Variants in UHRF2 observed in about 807,000 individuals in gnomAD.
UHRF2 encodes the protein E3 ubiquitin-protein ligase UHRF2.
In UHRF2, 23 loss-of-function variants were observed where a neutral mutation model predicts 96.8. The ratio of observed to expected loss-of-function variants is 0.24; its 90% confidence interval spans 0.17 to 0.34. The LOEUF is 0.34. Among genes scored for constraint, UHRF2 ranks in the 10% least tolerant of loss-of-function variants. The pLI, the probability that UHRF2 is intolerant of heterozygous loss-of-function variation, is 1.00. For missense variants in UHRF2, 685 were observed against 981.5 expected (o/e 0.70, Z 4.04); for synonymous variants, 385 against 332.6 (o/e 1.16, Z -1.72).
chr9:6,463,136 C>G (rs1045534223), intron 4 of UHRF2, among the ~76,000 whole-genome samples: 5 of 152,112 alleles, frequency 3.3e-5, no homozygotes, highest in Non-Finnish European at 4.4e-5. Context: ...ACAAAATTAG[C>G]TGGGTGCGGT....
At chr9:6,488,486 C>T (rs972558031) in intron 9 of UHRF2, among the ~76,000 whole-genome samples, 2 of 150,262 alleles carry the variant, frequency 1.3e-5, no homozygotes, top group African/African-American at 2.4e-5. Context: ...CAGACGTAGC[C>T]CCCCCACTGC....
At chr9:6,466,532 T>A (rs1467990503) in intron 4 of UHRF2, among the ~76,000 whole-genome samples, 1 of 111,860 alleles carries the variant, frequency 8.9e-6, no homozygotes, top group African/African-American at 3.5e-5. Context: ...AGAGTGAGAC[T>A]CTATCTCAAA....
At chr9:6,496,184 A>T (rs900934184) in intron 10 of UHRF2, 5 of 152,150 alleles carry the variant, frequency 3.3e-5, no homozygotes, top group Non-Finnish European at 7.3e-5. Flanking sequence ...GCATAAAAAG[A>T]ATTAAACCCT....
chr9:6,447,459 G>A (rs1337456900), intron 3 of UHRF2, among the ~76,000 whole-genome samples: 3 of 152,166 alleles, frequency 2.0e-5, no homozygotes, highest in African/African-American at 7.2e-5. Flanking sequence ...TATAAAGGTA[G>A]AGGAGATATT....
At chr9:6,481,569 G>A in intron 6 of UHRF2, 74 bp from the exon 7 acceptor site, 1 of 1,539,228 alleles carries the variant, frequency 6.5e-7, no homozygotes. Flanking sequence ...CTCTTACCTA[G>A]GAAGGCTAAT....
intron 4 of UHRF2, among the ~76,000 whole-genome samples, chr9:6,462,833 C>G (rs1322016417): frequency 2.6e-5 from 4 of 152,170 alleles, no homozygotes; most frequent in African/African-American, 9.7e-5. Flanking sequence ...AGAGGAATCA[C>G]TTGAACCCAC....
chr9:6,491,466 T>C (rs983539979), intron 9 of UHRF2, among the ~76,000 whole-genome samples: 1 of 152,238 alleles, frequency 6.6e-6, no homozygotes. Context: ...AAGGGTGTTA[T>C]GAGAGAAGTT....
intron 6 of UHRF2, among the ~76,000 whole-genome samples, chr9:6,481,152 T>C (rs970239967): frequency 2.2e-4 from 33 of 152,302 alleles, no homozygotes; most frequent in Non-Finnish European, 3.7e-4. Flanking sequence ...CATAAGCAAT[T>C]AAAATGAAGC....
intron 1 of UHRF2, among the ~76,000 whole-genome samples, chr9:6,420,121 A>G (rs1057395670): frequency 4.6e-5 from 7 of 150,956 alleles, no homozygotes; most frequent in African/African-American, 1.5e-4. Flanking sequence ...CAGTGGCGCA[A>G]TTTCAGCTCA....
chr9:6,447,431 C>T (rs1006157725), intron 3 of UHRF2, among the ~76,000 whole-genome samples: 4 of 152,042 alleles, frequency 2.6e-5, no homozygotes, highest in African/African-American at 9.7e-5. Context: ...TGGAAATATG[C>T]ATACCTAGCT....
chr9:6,462,764 A>G (rs573685952), intron 4 of UHRF2, among the ~76,000 whole-genome samples: 1 of 152,086 alleles, frequency 6.6e-6, no homozygotes, highest in East Asian at 1.9e-4. Flanking sequence ...TAAAAATACA[A>G]AAATTAGCTG....
chr9:6,496,709 T>C (rs1438783990), intron 10 of UHRF2: 1 of 152,700 alleles, frequency 6.5e-6, no homozygotes, highest in Non-Finnish European at 1.5e-5. Context: ...AAGGATTCTC[T>C]ATTGTCTGGA....
chr9:6,481,661 A>C lies in UHRF2; in HGVS notation c.1179A>C (p.Lys393Asn). The stretch of plus-strand genomic sequence containing the variant: ...TTTAAAGGTATTGTCCTTCTTGTAA[A>C]ACTGATTCCAGTGAAGTTGTAAAGG... ...EEEYWYCPSC[K>N]TDSSEVVKAG... Residue 393 changes from lysine (K) to asparagine (N), a missense_variant, in exon 7 of 16, where the codon AAA becomes AAC. This residue lies in a region of UHRF2 where 391 missense variants were observed against 437.0 expected (regional missense o/e 0.89). Transcript: ENST00000276893. 1 of 1,613,250 alleles carries C rather than the reference A, an allele frequency of 6.2e-7. No individual in the cohort carries two copies. Among genetic ancestry groups the C allele is most frequent in the Non-Finnish European group, 8.5e-7 (1 of 1,179,700 alleles).
intron 8 of UHRF2, 84 bp from the exon 9 acceptor site, chr9:6,486,737 T>C (rs1824311725): frequency 1.4e-5 from 19 of 1,319,680 alleles, no homozygotes; most frequent in Non-Finnish European, 2.0e-5. Flanking sequence ...GGTCTTTAGG[T>C]ACCAAGAATA....
intron 2 of UHRF2, among the ~76,000 whole-genome samples, chr9:6,430,863 C>G (rs985586428): frequency 1.3e-5 from 2 of 152,200 alleles, no homozygotes; most frequent in African/African-American, 4.8e-5. Context: ...ATGAGTAATT[C>G]TTCTTTCAGT....
intron 9 of UHRF2, among the ~76,000 whole-genome samples, chr9:6,488,046 G>A (rs1221846819): frequency 6.6e-6 from 1 of 151,608 alleles, no homozygotes. Flanking sequence ...TTCAAGACCA[G>A]CCTGGGCAAC....
chr9:6,437,422 G>A (rs981387218), intron 3 of UHRF2, among the ~76,000 whole-genome samples: 1 of 151,666 alleles, frequency 6.6e-6, no homozygotes, highest in Non-Finnish European at 1.5e-5. Flanking sequence ...TAGTAGATAC[G>A]GGGTTTCACC....
chr9:6,469,516 CA>C (rs537832867), intron 4 of UHRF2, among the ~76,000 whole-genome samples: 5 of 143,884 alleles, frequency 3.5e-5, no homozygotes, highest in African/African-American at 5.1e-5. Flanking sequence ...GACTCTGTCT[CA>C]AAAAAAAAAT....
intron 2 of UHRF2, among the ~76,000 whole-genome samples, chr9:6,429,979 T>C (rs1033936532): frequency 1.3e-5 from 2 of 152,206 alleles, no homozygotes; most frequent in Admixed American, 6.5e-5. Context: ...TTTAAAAATA[T>C]TAGATATTTG....
Sources: gnomAD v4.1 joint callset for allele counts (sites outside exome capture counted in the v4.1 genomes callset) on GRCh38, gnomAD v4.1.1 for gene constraint, gnomAD v4.1.1 regional missense constraint, MANE v1.5 for transcripts, NCBI Gene and HGNC (gene_info 2026-07-23, HGNC 2026-07-21) for gene names.